The following PPP1R12A variants were observed in gnomAD, a reference collection of about 807,000 sequenced individuals.
PPP1R12A encodes the protein protein phosphatase 1 regulatory subunit 12A, also known as myosin binding subunit.
Under a neutral mutation model 139.6 loss-of-function variants are expected in PPP1R12A, and 19 were observed. That is an observed-to-expected ratio of 0.14 (90% CI 0.09 to 0.20). The LOEUF is 0.20. Ranked by LOEUF, PPP1R12A falls within the 10% of genes least tolerant of loss-of-function variation. The pLI is 1.00. For missense variants in PPP1R12A, 925 were observed against 1,211.5 expected, an observed-to-expected ratio of 0.76 and a Z score of 3.51; for synonymous variants, 427 against 420.6, an observed-to-expected ratio of 1.02 and a Z score of -0.19.
At chr12:79,888,611 G>C (rs1026393942) in intron 1 of PPP1R12A, among the ~76,000 whole-genome samples, 4 of 134,744 alleles carry the variant, frequency 3.0e-5, no homozygotes, top group African/African-American at 1.5e-4. Context: ...AAATGGCAGA[G>C]TGAAGCCACA....
At chr12:79,852,261 G>A (rs546777700) in intron 2 of PPP1R12A, among the ~76,000 whole-genome samples, 16 of 150,266 alleles carry the variant, frequency 1.1e-4, no homozygotes, top group African/African-American at 3.9e-4. Flanking sequence ...CATGATCACA[G>A]TTCACTACAG....
At chr12:79,788,002 T>G (rs1037001332) in intron 21 of PPP1R12A, 1 of 152,178 alleles carries the variant, frequency 6.6e-6, no homozygotes, top group Non-Finnish European at 1.5e-5. Context: ...GTAGAATCTC[T>G]CTACTTAGCA....
rs1162110266 is a variant in PPP1R12A at position 79,774,979 on chromosome 12, G to A, written c.*950C>T. ...TTAAAGTCTTTATATCACATTGTTA[G>A]CAAATTTTGTTTTTTAACACTATCA... On this transcript the variant is annotated 3_prime_UTR_variant, in exon 25 of 25. Transcript: ENST00000450142. 1 of 152,338 alleles carries A rather than the reference G, an allele frequency of 6.6e-6. No homozygotes were observed. The highest frequency in any genetic ancestry group is 1.5e-5 in the Non-Finnish European group (1 of 67,976). 9.4% of individuals were successfully genotyped at this position (152,338 alleles called of 1,614,324 possible).
At chr12:79,854,084 T>A (rs1257767431) in intron 2 of PPP1R12A, among the ~76,000 whole-genome samples, 1 of 152,172 alleles carries the variant, frequency 6.6e-6, no homozygotes, top group East Asian at 1.9e-4. Context: ...AAACTTTATG[T>A]TGATATTTTA....
rs1869608351 is a variant in PPP1R12A at position 79,775,282 on chromosome 12, A to G, written c.*647T>C. ...TGCATATTGCACAAACAGTGAAAGC[A>G]TATGTTCCACCAAGCAATTCAGTTC... On this transcript the variant is annotated 3_prime_UTR_variant, in exon 25 of 25. Transcript: ENST00000450142. 6.6e-6 allele frequency: 1 copy of G among 152,570 alleles called. No individual in the cohort carries two copies. Among genetic ancestry groups the G allele is most frequent in the East Asian group, 1.9e-4 (1 of 5,198 alleles). 9.5% of individuals were successfully genotyped at this position (152,570 alleles called of 1,614,324 possible).
rs888756702 is a variant in PPP1R12A, at chr12:79,813,414, C to T, written c.1240-3404G>A. Among the ~76,000 whole-genome samples the T allele has an allele frequency of 7.9e-5, 12 of 152,240 alleles. No homozygotes were observed. The South Asian group carries it at 1.0e-3, about 13-fold the overall frequency. On this transcript the variant is annotated intron_variant, in intron 9 of 24. Transcript: ENST00000450142. Reference sequence around the variant, plus strand: ...CCTTTTAAATCATGCTACATCTGTACGTTTCGATTGGACTACTTTATATAC... The same window carrying T: ...CCTTTTAAATCATGCTACATCTGTATGTTTCGATTGGACTACTTTATATAC...
Position 79,878,338 on chromosome 12 carries a change from C to T in PPP1R12A, c.238-5400G>A, listed in dbSNP as rs1883315394. 5 of 152,044 alleles carry T rather than the reference C, an allele frequency of 3.3e-5. No homozygotes were observed. The South Asian group carries it at 1.0e-3, about 32-fold the overall frequency. 9.4% of individuals were successfully genotyped at this position (152,044 alleles called of 1,614,324 possible). A position where few individuals can be genotyped will look rare whatever the true frequency, so the allele number is the denominator to read the frequency against. ...GCAACTGGTATTCCTAGTAGTCTCC[C>T]ATTCAAGTACTAACCAGATCCAACC... On this transcript the variant is annotated intron_variant, in intron 1 of 24. Coordinates refer to ENST00000450142, the MANE Select transcript of PPP1R12A (RefSeq NM_002480.3).
At chr12:79,840,547 C>T (rs1183267380) in intron 3 of PPP1R12A, among the ~76,000 whole-genome samples, 3 of 152,202 alleles carry the variant, frequency 2.0e-5, no homozygotes, top group Non-Finnish European at 4.4e-5. Flanking sequence ...TCTTATCTCA[C>T]ACTTTCCTAC....
chr12:79,821,358 G>C (rs888250234), intron 6 of PPP1R12A, among the ~76,000 whole-genome samples, 192 bp from the exon 7 acceptor site: 2 of 152,150 alleles, frequency 1.3e-5, no homozygotes, highest in African/African-American at 4.8e-5. Flanking sequence ...CAATTAAAAA[G>C]CTCCATGCAG....
intron 1 of PPP1R12A, among the ~76,000 whole-genome samples, chr12:79,924,708 C>G (rs980315251): frequency 1.3e-5 from 2 of 152,186 alleles, no homozygotes; most frequent in Non-Finnish European, 2.9e-5. Context: ...GGATTACAGG[C>G]ATGAGCTACT....
chr12:79,896,709 T>C (rs185480342), intron 1 of PPP1R12A, among the ~76,000 whole-genome samples: 1 of 152,324 alleles, frequency 6.6e-6, no homozygotes, highest in East Asian at 1.9e-4. Flanking sequence ...CACTGTGAAT[T>C]GGCCCCCACT....
intron 2 of PPP1R12A, among the ~76,000 whole-genome samples, chr12:79,861,767 T>C (rs1412924634): frequency 6.6e-6 from 1 of 152,142 alleles, no homozygotes. Context: ...CATCTGCCAT[T>C]GCTGGGCTTG....
intron 1 of PPP1R12A, among the ~76,000 whole-genome samples, chr12:79,932,492 T>C (rs2068596): frequency 1.3e-5 from 2 of 152,142 alleles, no homozygotes; most frequent in East Asian, 1.9e-4. Flanking sequence ...TTTGCAGATA[T>C]GGAAAAATGT....
At chr12:79,849,716 G>A (rs2137233103) in intron 2 of PPP1R12A, among the ~76,000 whole-genome samples, 1 of 152,068 alleles carries the variant, frequency 6.6e-6, no homozygotes, top group African/African-American at 2.4e-5. Flanking sequence ...AGTGCTTCAG[G>A]GTAAAGAAAA....
chr12:79,925,347 T>A (rs534347356), intron 1 of PPP1R12A, among the ~76,000 whole-genome samples: 3 of 152,264 alleles, frequency 2.0e-5, no homozygotes, highest in Non-Finnish European at 4.4e-5. Flanking sequence ...AAGTGACATC[T>A]CACAAAATGT....
chr12:79,911,075 T>G (rs747360479), intron 1 of PPP1R12A, among the ~76,000 whole-genome samples: 1 of 152,088 alleles, frequency 6.6e-6, no homozygotes, highest in Non-Finnish European at 1.5e-5. Flanking sequence ...TCCTAACCTA[T>G]TTACCCCTAC....
At chr12:79,887,597 G>C (rs1360448815) in intron 1 of PPP1R12A, among the ~76,000 whole-genome samples, 2 of 152,160 alleles carry the variant, frequency 1.3e-5, no homozygotes, top group African/African-American at 4.8e-5. Context: ...CTGCACTCTG[G>C]AGACAGGGTG....
At chr12:79,931,254 G>A (rs1439884608) in intron 1 of PPP1R12A, among the ~76,000 whole-genome samples, 2 of 152,188 alleles carry the variant, frequency 1.3e-5, no homozygotes, top group African/African-American at 4.8e-5. Flanking sequence ...CGTGAATACA[G>A]TAGTTGCCAT....
intron 1 of PPP1R12A, among the ~76,000 whole-genome samples, chr12:79,891,034 T>TCATGA (rs1884594187): frequency 6.6e-6 from 1 of 151,670 alleles, no homozygotes; most frequent in South Asian, 2.1e-4. Flanking sequence ...TTTTGTCATG[T>TCATGA]CATGACATGG....
Sources: gnomAD v4.1 joint callset for allele counts (sites outside exome capture counted in the v4.1 genomes callset) on GRCh38, gnomAD v4.1.1 for gene constraint, MANE v1.5 for transcripts, NCBI Gene and HGNC (gene_info 2026-07-23, HGNC 2026-07-21) for gene names.